CA10: variants seen among roughly 807,000 people sequenced by gnomAD.
CA10 encodes the protein carbonic anhydrase 10 (inactive).
A neutral mutation model predicts 44.2 loss-of-function variants in CA10; 14 were observed. That is an observed-to-expected ratio of 0.32 (90% CI 0.21 to 0.50). The LOEUF is 0.50. Among genes scored for constraint, CA10 ranks in the 20% least tolerant of loss-of-function variants. The pLI, the probability that CA10 is intolerant of heterozygous loss-of-function variation, is 0.99. For missense variants in CA10, 350 were observed against 409.7 expected (o/e 0.85, Z 1.26); for synonymous variants, 159 against 141.6 (o/e 1.12, Z -0.87).
chr17:51,843,856 A>C (rs997646761), intron 3 of CA10, among the ~76,000 whole-genome samples: 2 of 152,184 alleles, frequency 1.3e-5, no homozygotes, highest in Non-Finnish European at 2.9e-5. Flanking sequence ...AGTTTTACAG[A>C]AAAGTAAATT....
chr17:52,140,134 T>C (rs1989445324), intron 1 of CA10, among the ~76,000 whole-genome samples: 1 of 152,200 alleles, frequency 6.6e-6, no homozygotes, highest in African/African-American at 2.4e-5. Context: ...TGGGGAGTGA[T>C]AAAAATGTTC....
chr17:52,143,201 C>T (rs1231074421), intron 1 of CA10, among the ~76,000 whole-genome samples: 1 of 152,054 alleles, frequency 6.6e-6, no homozygotes, highest in Non-Finnish European at 1.5e-5. Context: ...CATATCTATC[C>T]ATCTATGTAT....
At chr17:51,651,889 G>A (rs1913581050) in intron 5 of CA10, among the ~76,000 whole-genome samples, 1 of 152,220 alleles carries the variant, frequency 6.6e-6, no homozygotes, top group Admixed American at 6.5e-5. Context: ...TGACAATATT[G>A]TGACCTATCT....
At chr17:52,133,078 G>A (rs1457413362) in intron 1 of CA10, among the ~76,000 whole-genome samples, 2 of 152,184 alleles carry the variant, frequency 1.3e-5, no homozygotes, top group African/African-American at 4.8e-5. Context: ...AATCCATGTT[G>A]CATGGAGCTG....
chr17:51,641,367 G>A (rs113082319), intron 6 of CA10, among the ~76,000 whole-genome samples: 3 of 152,204 alleles, frequency 2.0e-5, no homozygotes, highest in African/African-American at 4.8e-5. Flanking sequence ...CTGGAAAATT[G>A]CATCTTCAGG....
chr17:52,125,808 T>TTGTTTGGGGGTGACTGA (rs1273530902), intron 1 of CA10, among the ~76,000 whole-genome samples: 10 of 152,064 alleles, frequency 6.6e-5, no homozygotes, highest in African/African-American at 2.2e-4. Context: ...AGTGCTTCCA[T>TTGTTTGGGGGTGACTGA]TGTTTGGGGG....
intron 3 of CA10, among the ~76,000 whole-genome samples, chr17:51,921,400 G>T (rs1982226057): frequency 6.6e-6 from 1 of 152,198 alleles, no homozygotes; most frequent in Non-Finnish European, 1.5e-5. Context: ...AGCAGAGCTA[G>T]TTCTCCCCTA....
intron 4 of CA10, among the ~76,000 whole-genome samples, chr17:51,737,007 G>A (rs975384335): frequency 3.2e-4 from 48 of 152,176 alleles, no homozygotes; most frequent in African/African-American, 1.1e-3. Flanking sequence ...AGAATTGAGA[G>A]GAACTGGAAG....
chr17:52,073,674 C>A (rs1309996216), intron 1 of CA10, among the ~76,000 whole-genome samples: 2 of 152,166 alleles, frequency 1.3e-5, no homozygotes, highest in Admixed American at 6.5e-5. Flanking sequence ...CCTGGATTTC[C>A]TGGTATTCTT....
intron 3 of CA10, among the ~76,000 whole-genome samples, chr17:51,770,961 TA>T (rs1905584840): frequency 6.6e-6 from 1 of 151,390 alleles, no homozygotes; most frequent in Non-Finnish European, 1.5e-5. Flanking sequence ...CCATCTCTAC[TA>T]AAAATACAAA....
At chr17:52,111,686 G>A (rs1988791915) in intron 1 of CA10, among the ~76,000 whole-genome samples, 1 of 152,140 alleles carries the variant, frequency 6.6e-6, no homozygotes, top group Non-Finnish European at 1.5e-5. Flanking sequence ...AGTAGGAATG[G>A]AGGAAAGCTT....
chr17:52,135,118 C>T, intron 1 of CA10: 1 of 378,120 alleles, frequency 2.6e-6, no homozygotes, highest in South Asian at 1.9e-5. Context: ...AAGGGGACCC[C>T]AGATTAACCT....
chr17:51,943,802 G>A (rs1006786713), intron 2 of CA10, among the ~76,000 whole-genome samples: 1 of 152,180 alleles, frequency 6.6e-6, no homozygotes, highest in Non-Finnish European at 1.5e-5. Context: ...TTTATTGGAA[G>A]AAAGCAGGTT....
At chr17:51,753,734 C>T (rs969656776) in intron 3 of CA10, among the ~76,000 whole-genome samples, 1 of 152,190 alleles carries the variant, frequency 6.6e-6, no homozygotes, top group Non-Finnish European at 1.5e-5. Flanking sequence ...GTTTCTATGG[C>T]ACTTTCCATA....
chr17:51,873,535 C>A (rs138446870), intron 3 of CA10, among the ~76,000 whole-genome samples: 562 of 152,308 alleles, frequency 3.7e-3, no homozygotes, highest in Admixed American at 4.5e-3. Context: ...TAGGTTCCAC[C>A]AATACAACGT....
At chr17:51,921,909 G>A (rs148763612) in intron 3 of CA10, among the ~76,000 whole-genome samples, 2 of 152,128 alleles carry the variant, frequency 1.3e-5, no homozygotes, top group African/African-American at 4.8e-5. Context: ...TAGCGAGGTG[G>A]CTCTGAATTC....
At chr17:51,848,028 G>C (rs1304276458) in intron 3 of CA10, among the ~76,000 whole-genome samples, 2 of 152,200 alleles carry the variant, frequency 1.3e-5, no homozygotes, top group Non-Finnish European at 2.9e-5. Flanking sequence ...CCAGGGCTAG[G>C]TTAAGGCAAT....
intron 2 of CA10, among the ~76,000 whole-genome samples, chr17:51,987,770 G>T (rs1026579747): frequency 1.3e-5 from 2 of 151,874 alleles, no homozygotes; most frequent in African/African-American, 4.8e-5. Flanking sequence ...GATTAAGAGA[G>T]GGGTACAGTA....
At chr17:51,847,984 A>G (rs2065652371) in intron 3 of CA10, among the ~76,000 whole-genome samples, 1 of 152,172 alleles carries the variant, frequency 6.6e-6, no homozygotes, top group South Asian at 2.1e-4. Context: ...TCTGACATCA[A>G]GGAATTTCAG....
Sources: allele counts gnomAD v4.1 joint callset (sites outside exome capture counted in the v4.1 genomes callset), GRCh38; gene constraint gnomAD v4.1.1; transcripts MANE v1.5; gene names NCBI Gene and HGNC (gene_info 2026-07-23, HGNC 2026-07-21).